PLAAT2: variants seen among roughly 807,000 people sequenced by gnomAD.
PLAAT2 encodes HRAS like suppressor 2.
A neutral mutation model predicts 12.8 loss-of-function variants in PLAAT2; 12 were observed. That is an observed-to-expected ratio of 0.94 (90% CI 0.60 to 1.52). The LOEUF is 1.52. Among genes scored for constraint, PLAAT2 ranks in the 40% most tolerant of loss-of-function variants. The pLI is 0.00. For missense variants in PLAAT2, 166 were observed against 208.1 expected (o/e 0.80, Z 1.24); for synonymous variants, 79 against 86.8 (o/e 0.91, Z 0.50).
upstream of PLAAT2, among the ~76,000 whole-genome samples, chr11:63,564,493 A>T (rs2017546695): frequency 6.6e-6 from 1 of 152,164 alleles, no homozygotes; most frequent in South Asian, 2.1e-4. Flanking sequence ...TAGTGTGGGG[A>T]TGCAGATGGA....
Position 63,558,657 on chromosome 11 carries a change from TC to T in PLAAT2, c.121del (p.Glu41LysfsTer14). 6.2e-7 allele frequency: 1 copy of T among 1,614,152 alleles called. No homozygotes were observed. Among genetic ancestry groups the T allele is most frequent in the Non-Finnish European group, 8.5e-7 (1 of 1,180,000 alleles). On this transcript the variant is annotated frameshift_variant and splice_region_variant, in exon 3 of 4. Coordinates refer to ENST00000255695, the MANE Select transcript of PLAAT2 (RefSeq NM_017878.2). LOFTEE classifies it high-confidence loss of function. ...GYVVHLAPAS[E>X]IAGAGAASVL... ...ACTGGCCGCACCAGCTCCAGCAATT[TC>T]ACCTGTGCAAACAGTGAGTTCAGTC... is the stretch of plus-strand genomic sequence containing the variant.
chr11:63,558,275 C>T lies in PLAAT2; in HGVS notation c.387+117G>A, dbSNP rs915969192. 2.3e-5 allele frequency: 26 copies of T among 1,129,166 alleles called. No homozygotes were observed. In the Middle Eastern group the frequency reaches 8.8e-4, roughly 38 times the overall value. The allele number at this position is 1,129,166 out of a possible 1,614,324, so 69.9% of individuals were successfully genotyped here. On this transcript the variant is annotated intron_variant, in intron 3 of 3. Coordinates refer to ENST00000255695, the MANE Select transcript of PLAAT2 (RefSeq NM_017878.2). ...CTCAAGGACAACAGTTTCATATCTG[C>T]TATTTTGTCTTGCTCATGTCTATTT...
intron 1 of PLAAT2, among the ~76,000 whole-genome samples, chr11:63,560,431 G>C (rs1379100204): frequency 6.6e-6 from 1 of 152,226 alleles, no homozygotes; most frequent in Non-Finnish European, 1.5e-5. Flanking sequence ...ATCTTTGAGG[G>C]AGATTTTCAT....
intron 3 of PLAAT2, among the ~76,000 whole-genome samples, chr11:63,555,456 G>A (rs1202982343): frequency 1.3e-5 from 2 of 152,228 alleles, no homozygotes; most frequent in African/African-American, 2.4e-5. Flanking sequence ...GGGAGGCCAA[G>A]GCAGGTGGAT....
At position 63,560,136 on chromosome 11, in the gene PLAAT2, G is replaced by A. The variant is rs766506182; in HGVS notation, c.67C>T (p.His23Tyr). 3.1e-6 allele frequency: 5 copies of A among 1,613,890 alleles called. No individual in the cohort carries two copies. The highest frequency in any genetic ancestry group is 4.2e-6 in the Non-Finnish European group (5 of 1,179,856). ...LIEISRFGYAHWAIYVGDGYV... is the reference protein window; with the variant it reads ...LIEISRFGYAYWAIYVGDGYV... ...CCATCTCCCACGTAGATGGCCCAGTGTGCATAGCCAAAGCGAGAAATCTCA... is the reference window on the plus strand; with the variant it reads ...CCATCTCCCACGTAGATGGCCCAGTATGCATAGCCAAAGCGAGAAATCTCA... Residue 23 changes from histidine (H) to tyrosine (Y), a missense_variant, in exon 2 of 4, where the codon CAC becomes TAC. Coordinates refer to ENST00000255695, the MANE Select transcript of PLAAT2 (RefSeq NM_017878.2).
intron 3 of PLAAT2, among the ~76,000 whole-genome samples, chr11:63,558,099 A>G (rs1304683271): frequency 6.6e-6 from 1 of 152,066 alleles, no homozygotes; most frequent in Non-Finnish European, 1.5e-5. Context: ...CCCCATCTGT[A>G]AAGTGGGAAT....
intron 3 of PLAAT2, among the ~76,000 whole-genome samples, chr11:63,555,009 G>A (rs1322450006): frequency 6.6e-6 from 1 of 152,224 alleles, no homozygotes; most frequent in African/African-American, 2.4e-5. Flanking sequence ...TGTAAAGGGA[G>A]ATGGAGGAGT....
At chr11:63,563,814 C>T (rs1214776691), upstream of PLAAT2, among the ~76,000 whole-genome samples, 6 of 151,196 alleles carry the variant, frequency 4.0e-5, no homozygotes, top group Non-Finnish European at 5.9e-5. Context: ...GTAGGCAAGG[C>T]GGCATGAAAA....
chr11:63,564,805 T>G (rs371677076), upstream of PLAAT2, among the ~76,000 whole-genome samples: 32 of 152,288 alleles, frequency 2.1e-4, no homozygotes, highest in African/African-American at 6.3e-4. Context: ...ATCTCAGTTC[T>G]TCCTATGCCT....
At chr11:63,554,915 A>T (rs2017453196) in intron 3 of PLAAT2, among the ~76,000 whole-genome samples, 1 of 152,248 alleles carries the variant, frequency 6.6e-6, no homozygotes, top group Admixed American at 6.5e-5. Context: ...AACTTAAGAC[A>T]GCAAAAACAG....
chr11:63,563,715 CAAAAAAAA>C (rs35852892), upstream of PLAAT2, among the ~76,000 whole-genome samples: 1 of 56,138 alleles, frequency 1.8e-5, no homozygotes, highest in African/African-American at 6.1e-5. Context: ...GAGACTCAGT[CAAAAAAAA>C]AAAAAAAAAA....
At chr11:63,561,644 CAAAAAAAAAAAAA>C (rs61140464) in intron 1 of PLAAT2, among the ~76,000 whole-genome samples, 8 of 35,964 alleles carry the variant, frequency 2.2e-4, no homozygotes, top group Non-Finnish European at 2.9e-4. Flanking sequence ...GACTCCATCA[CAAAAAAAAAAAAA>C]AAAAAAAAAA....
chr11:63,560,039 A>G (rs2017503568), intron 2 of PLAAT2, 46 bp downstream of exon 2: 1 of 1,331,180 alleles, frequency 7.5e-7, no homozygotes, highest in Non-Finnish European at 1.1e-6. Context: ...ATCTCTTCAC[A>G]TTCTTGATCT....
intron 1 of PLAAT2, 93 bp from the exon 2 acceptor site, chr11:63,560,286 G>T: frequency 4.7e-6 from 4 of 845,284 alleles, no homozygotes; most frequent in Non-Finnish European, 7.7e-6. Context: ...TCAGCCTGCA[G>T]ATTCCCTGTG....
At position 63,552,999 on chromosome 11, in the gene PLAAT2, T is replaced by G. The variant is rs142276848; in HGVS notation, c.454A>C (p.Ile152Leu). ...GLLAAASLVG[I>L]LLARSKRERQ ...TCCCGCTTGCTTCTGGCCAGCAGGA[T>G]CCCCACAAGGCTTGCGGCAGCCAGC... Residue 152 changes from isoleucine to leucine, a missense_variant, in exon 4 of 4, where the codon ATC becomes CTC. Ile to Leu is a conservative substitution (Grantham distance 5, BLOSUM62 2). Coordinates refer to ENST00000255695, the MANE Select transcript of PLAAT2 (RefSeq NM_017878.2). 1.6e-5 allele frequency: 26 copies of G among 1,613,896 alleles called. No individual in the cohort carries two copies. In the African/African-American group the frequency reaches 2.3e-4, roughly 14 times the overall value.
Position 63,556,206 on chromosome 11 carries a change from A to G in PLAAT2, c.387+2186T>C, listed in dbSNP as rs115159242. Among the ~76,000 whole-genome samples the G allele has an allele frequency of 8.8e-3, 1,335 of 152,306 alleles. 21 individuals are homozygous for G. Among genetic ancestry groups the G allele is most frequent in the African/African-American group, 0.031 (1,288 of 41,548 alleles). ...AGTCTTTCCAGACAGACAGAGTCAG[A>G]TGAGAAGGAAGGAGGGAGAGGAAGA... On this transcript the variant is annotated intron_variant, in intron 3 of 3. Transcript: ENST00000255695.
chr11:63,558,761 G>A lies in PLAAT2; in HGVS notation c.119-101C>T. 4 of 1,400,626 alleles carry A rather than the reference G, an allele frequency of 2.9e-6. No homozygotes were observed. The South Asian group carries it at 3.9e-5, about 14-fold the overall frequency. 86.8% of individuals were successfully genotyped at this position (1,400,626 alleles called of 1,614,324 possible). A position where few individuals can be genotyped will look rare whatever the true frequency, so the allele number is the denominator to read the frequency against. On this transcript the variant is annotated intron_variant, in intron 2 of 3. Coordinates refer to ENST00000255695, the MANE Select transcript of PLAAT2 (RefSeq NM_017878.2). ...CGAGCACCATCAAGGAGGAGCAGCT[G>A]TGGAAGGACTTGTCCATCCTGCCTG...
At chr11:63,563,630 A>T (rs1243179030), upstream of PLAAT2, among the ~76,000 whole-genome samples, 1 of 147,906 alleles carries the variant, frequency 6.8e-6, no homozygotes, top group Non-Finnish European at 1.5e-5. Context: ...GAGGCAGGAA[A>T]TGGCGTCAAC....
intron 1 of PLAAT2, among the ~76,000 whole-genome samples, chr11:63,560,761 A>C (rs2017511894): frequency 6.6e-6 from 1 of 152,236 alleles, no homozygotes; most frequent in African/African-American, 2.4e-5. Context: ...TAACTTGCCT[A>C]ATAAGTAGAA....
Sources: gnomAD v4.1 joint callset for allele counts (sites outside exome capture counted in the v4.1 genomes callset) on GRCh38, gnomAD v4.1.1 for gene constraint, MANE v1.5 for transcripts, NCBI Gene and HGNC (gene_info 2026-07-23, HGNC 2026-07-21) for gene names.